The following BICRAL variants were observed in gnomAD, a reference collection of about 807,000 sequenced individuals.
BICRAL encodes BICRA like chromatin remodeling complex associated protein.
A neutral mutation model predicts 91.8 loss-of-function variants in BICRAL; 8 were observed. The ratio of observed to expected loss-of-function variants is 0.09; its 90% CI spans 0.05 to 0.16. The LOEUF (loss-of-function observed/expected upper bound fraction) is 0.16, where lower values mean the gene tolerates loss of function less well. BICRAL is among the 10% of genes least tolerant of loss of function. The pLI, the probability that BICRAL is intolerant of heterozygous loss-of-function variation, is 1.00. For missense variants in BICRAL, 1,038 were observed against 1,310.9 expected (o/e 0.79, Z 3.21); for synonymous variants, 445 against 491.1 (o/e 0.91, Z 1.24).
upstream of BICRAL, among the ~76,000 whole-genome samples, chr6:42,781,393 G>C (rs1050286679): frequency 1.3e-5 from 2 of 152,156 alleles, no homozygotes; most frequent in Non-Finnish European, 2.9e-5. Flanking sequence ...GCAAAGGAAA[G>C]CTTAGTACAT....
At chr6:42,802,280 A>G (rs1763597025) in intron 1 of BICRAL, among the ~76,000 whole-genome samples, 1 of 152,336 alleles carries the variant, frequency 6.6e-6, no homozygotes, top group South Asian at 2.1e-4. Context: ...GAAAAAAAAT[A>G]CATGCATATG....
intron 6 of BICRAL, among the ~76,000 whole-genome samples, chr6:42,845,426 G>A (rs1462080472): frequency 1.3e-5 from 2 of 151,200 alleles, no homozygotes; most frequent in African/African-American, 2.4e-5. Context: ...TGTACACAGT[G>A]GTTACTCAAA....
chr6:42,860,181 T>G (rs1277862071), intron 10 of BICRAL, 81 bp from the exon 11 acceptor site: 1 of 796,592 alleles, frequency 1.3e-6, no homozygotes, highest in African/African-American at 1.7e-5. Flanking sequence ...AGAAGAGTAA[T>G]GTATTTCAGT....
chr6:42,852,173 G>T lies in BICRAL; in HGVS notation c.1921G>T (p.Gly641Trp). 1.2e-6 allele frequency: 2 copies of T among 1,612,038 alleles called. No homozygotes were observed. The highest frequency in any genetic ancestry group is 1.7e-6 in the Non-Finnish European group (2 of 1,178,158). ...CGGCCTGAGGCAAGCACAGATCCCT[G>T]GGCTCTTGAGCACCACACTGCCAGG... is the stretch of plus-strand genomic sequence containing the variant. ...TDGLRQAQIP[G>W]LLSTTLPGQD... The change falls in exon 7 of 13, where the codon GGG becomes TGG. Residue 641 changes from glycine (G) to tryptophan (W), a missense_variant. Coordinates refer to ENST00000314073, the MANE Select transcript of BICRAL (RefSeq NM_001393499.1).
chr6:42,781,836 C>A (rs1762918058), upstream of BICRAL: 1 of 148,632 alleles, frequency 6.7e-6, no homozygotes, highest in Non-Finnish European at 1.5e-5. Context: ...CATTTTTTGC[C>A]AGGCGAGAAC....
rs1765566933 is a variant in BICRAL at position 42,861,922 on chromosome 6, C to A, written c.2350-588C>A. Among the ~76,000 whole-genome samples the A allele has an allele frequency of 2.6e-5, 4 of 152,296 alleles. No individual in the cohort carries two copies. The South Asian group carries it at 8.3e-4, about 32-fold the overall frequency. ...GCTGAGACAGGAGAATTGCTTGAATCTGGGAGGTGAAGGTTGCAGAGAGCC... is the reference window on the plus strand; with the variant it reads ...GCTGAGACAGGAGAATTGCTTGAATATGGGAGGTGAAGGTTGCAGAGAGCC... On this transcript the variant is annotated intron_variant, in intron 11 of 12. Coordinates refer to ENST00000314073, the MANE Select transcript of BICRAL (RefSeq NM_001393499.1).
chr6:42,769,152 A>T (rs966872220), intron 1 of BICRAL, among the ~76,000 whole-genome samples: 3 of 152,216 alleles, frequency 2.0e-5, no homozygotes, highest in African/African-American at 4.8e-5. Flanking sequence ...AGGGTCTCTC[A>T]TGAGTTTATA....
At chr6:42,851,427 T>C (rs1157635484) in intron 6 of BICRAL, among the ~76,000 whole-genome samples, 1 of 152,182 alleles carries the variant, frequency 6.6e-6, no homozygotes, top group Non-Finnish European at 1.5e-5. Context: ...GGAACTTAGT[T>C]CTTAAACATT....
chr6:42,848,235 G>A (rs1765080412), intron 6 of BICRAL, among the ~76,000 whole-genome samples: 1 of 151,642 alleles, frequency 6.6e-6, no homozygotes. Flanking sequence ...CTGGGCGACA[G>A]AGTGAGACTC....
intron 6 of BICRAL, among the ~76,000 whole-genome samples, chr6:42,839,746 C>G (rs560070827): frequency 2.0e-5 from 3 of 152,128 alleles, no homozygotes; most frequent in African/African-American, 4.8e-5. Flanking sequence ...GTTCCTCATT[C>G]TTTTTGATGC....
Position 42,865,542 on chromosome 6 carries a change from GGTCTCCT to G in BICRAL, c.*103_*109del, listed in dbSNP as rs889637868. On this transcript the variant is annotated 3_prime_UTR_variant, in exon 13 of 13. Transcript: ENST00000314073. ...GTTCCTGGCAAAAGCAAATGGAAAT[GGTCTCCT>G]GTCTCCAGCCTGCTTGATCTTTCAT... is the stretch of plus-strand genomic sequence containing the variant. 45 of 627,854 alleles carry G rather than the reference GGTCTCCT, an allele frequency of 7.2e-5. No homozygotes were observed. Among genetic ancestry groups the G allele is most frequent in the Non-Finnish European group, 1.2e-4 (42 of 363,528 alleles). 38.9% of individuals were successfully genotyped at this position (627,854 alleles called of 1,614,324 possible).
At chr6:42,756,508 T>A (rs976632233) in intron 1 of BICRAL, among the ~76,000 whole-genome samples, 16 of 152,180 alleles carry the variant, frequency 1.1e-4, no homozygotes, top group Non-Finnish European at 2.1e-4. Context: ...AGCTCCTCCC[T>A]CTGCCTCTCT....
intron 1 of BICRAL, among the ~76,000 whole-genome samples, chr6:42,793,764 T>C (rs1289535696): frequency 1.5e-5 from 2 of 136,146 alleles, no homozygotes; most frequent in Non-Finnish European, 3.2e-5. Flanking sequence ...CAAGATGACT[T>C]TTTTTTTTTT....
chr6:42,834,978 G>A (rs955514240), intron 6 of BICRAL, among the ~76,000 whole-genome samples: 8 of 152,062 alleles, frequency 5.3e-5, no homozygotes, highest in Non-Finnish European at 1.0e-4. Flanking sequence ...TACACCCAAC[G>A]CCTATAGGTA....
intron 1 of BICRAL, among the ~76,000 whole-genome samples, chr6:42,783,783 C>T (rs1582814291): frequency 6.6e-6 from 1 of 152,314 alleles, no homozygotes; most frequent in African/African-American, 2.4e-5. Context: ...CTGATGGGTT[C>T]CCTCCCTGAC....
intron 1 of BICRAL, among the ~76,000 whole-genome samples, chr6:42,788,908 A>G (rs1763186173): frequency 6.6e-6 from 1 of 151,776 alleles, no homozygotes; most frequent in South Asian, 2.1e-4. Context: ...TTTTTCTCCT[A>G]GCAACATTCA....
intron 1 of BICRAL, among the ~76,000 whole-genome samples, chr6:42,783,436 G>C (rs1331804531): frequency 1.3e-5 from 2 of 152,226 alleles, no homozygotes; most frequent in Non-Finnish European, 2.9e-5. Flanking sequence ...GGGTGGGGGG[G>C]TGCGGTTGGA....
At chr6:42,864,629 C>T (rs369733228) in intron 12 of BICRAL, 30 bp from the exon 13 acceptor site, 2 of 1,583,318 alleles carry the variant, frequency 1.3e-6, no homozygotes, top group Non-Finnish European at 1.7e-6. Context: ...CCCAATCACT[C>T]ACTAATGTTC....
At chr6:42,796,053 C>T (rs1450634769) in intron 1 of BICRAL, among the ~76,000 whole-genome samples, 1 of 152,206 alleles carries the variant, frequency 6.6e-6, no homozygotes, top group African/African-American at 2.4e-5. Context: ...AGCATCTATT[C>T]ATTTATCCAT....
Sources: gnomAD v4.1 joint callset for allele counts (sites outside exome capture counted in the v4.1 genomes callset) on GRCh38, gnomAD v4.1.1 for gene constraint, MANE v1.5 for transcripts, NCBI Gene and HGNC (gene_info 2026-07-23, HGNC 2026-07-21) for gene names.